The following ARSG variants were observed in gnomAD, a reference collection of about 807,000 sequenced individuals.
ARSG encodes the protein arylsulfatase G, also known as ASG.
In ARSG, 37 loss-of-function variants were observed where a neutral mutation model predicts 50.5. The ratio of observed to expected loss-of-function variants is 0.73; its 90% confidence interval spans 0.56 to 0.96. ARSG has a LOEUF of 0.96. Ranked by LOEUF, ARSG falls within the 50% of genes least tolerant of loss-of-function variation. The pLI is 0.00. For missense variants in ARSG, 629 were observed against 675.3 expected (o/e 0.93, Z 0.76); for synonymous variants, 225 against 254.6 (o/e 0.88, Z 1.11).
chr17:68,321,303 C>T (rs941659519), intron 2 of ARSG, among the ~76,000 whole-genome samples: 7 of 152,152 alleles, frequency 4.6e-5, no homozygotes, highest in Admixed American at 1.3e-4. Flanking sequence ...AAAGGGCCTG[C>T]GTATCCATGA....
chr17:68,336,410 A>T (rs923231659), intron 2 of ARSG, among the ~76,000 whole-genome samples: 1 of 151,598 alleles, frequency 6.6e-6, no homozygotes, highest in Non-Finnish European at 1.5e-5. Context: ...GGGTTTCACT[A>T]TGTTGGCCAG....
chr17:68,410,491 TA>T (rs1192937748), intron 11 of ARSG, among the ~76,000 whole-genome samples: 1 of 151,370 alleles, frequency 6.6e-6, no homozygotes, highest in Admixed American at 6.6e-5. Context: ...TCATGGTGGA[TA>T]AGCTTTTTGA....
intron 5 of ARSG, among the ~76,000 whole-genome samples, chr17:68,355,632 CG>C (rs1448474507): frequency 6.6e-6 from 1 of 152,066 alleles, no homozygotes; most frequent in Non-Finnish European, 1.5e-5. Flanking sequence ...TGGGATTACA[CG>C]CATGAGCCAC....
At chr17:68,333,321 C>CA (rs547143707) in intron 2 of ARSG, among the ~76,000 whole-genome samples, 3 of 144,842 alleles carry the variant, frequency 2.1e-5, no homozygotes, top group African/African-American at 5.1e-5. Context: ...GACTCCGTCT[C>CA]AAAAAAAATA....
chr17:68,406,979 C>A (rs2081753478), intron 11 of ARSG, among the ~76,000 whole-genome samples: 1 of 152,166 alleles, frequency 6.6e-6, no homozygotes, highest in Non-Finnish European at 1.5e-5. Flanking sequence ...CCAATGTTAT[C>A]TTCTAGAATT....
At chr17:68,324,931 T>C (rs992481776) in intron 2 of ARSG, among the ~76,000 whole-genome samples, 1 of 152,140 alleles carries the variant, frequency 6.6e-6, no homozygotes, top group East Asian at 1.9e-4. Flanking sequence ...CTGTGCTTCA[T>C]GTTTCCCAAA....
chr17:68,398,261 G>A (rs1216894169), intron 10 of ARSG, among the ~76,000 whole-genome samples: 1 of 152,060 alleles, frequency 6.6e-6, no homozygotes, highest in African/African-American at 2.4e-5. Context: ...ACATATGTAT[G>A]CCTATGCATG....
At chr17:68,350,350 C>G (rs973301683) in intron 4 of ARSG, among the ~76,000 whole-genome samples, 1 of 152,158 alleles carries the variant, frequency 6.6e-6, no homozygotes, top group Non-Finnish European at 1.5e-5. Context: ...TGAGAAATAG[C>G]AATTCTTTGT....
intron 11 of ARSG, among the ~76,000 whole-genome samples, chr17:68,419,941 G>A (rs574283739): frequency 2.7e-4 from 41 of 152,170 alleles, no homozygotes; most frequent in African/African-American, 9.6e-4. Context: ...CCTGGGCAAC[G>A]AAGCCAGACC....
At chr17:68,369,780 A>T (rs376960884) in intron 7 of ARSG, among the ~76,000 whole-genome samples, 1 of 152,210 alleles carries the variant, frequency 6.6e-6, no homozygotes, top group Admixed American at 6.5e-5. Flanking sequence ...TAGATGCTCA[A>T]TAAACAGTTG....
At chr17:68,435,582 C>T in the ARSG span, 184 of 1,602,002 alleles carry the variant, frequency 1.1e-4, no homozygotes, top group East Asian at 2.5e-4. Context: ...AGCCATCCAG[C>T]GAAACCCAGA....
At chr17:68,279,427 G>C (rs1411169670) in intron 1 of ARSG, among the ~76,000 whole-genome samples, 4 of 152,094 alleles carry the variant, frequency 2.6e-5, no homozygotes, top group African/African-American at 9.7e-5. Context: ...ATCAAAATGA[G>C]GGCATTCTGT....
Position 68,331,216 on chromosome 17 carries a change from T to TCTTC in ARSG, c.219-12385_219-12384insCCTT, listed in dbSNP as rs2077738706. ...TTCTTTCTTTCTTTCTTTCTTTCTT[T>TCTTC]CTTTCTTTCTTTCTTTGTTTCTTTC... On this transcript the variant is annotated intron_variant, in intron 2 of 11. Coordinates refer to ENST00000621439, the MANE Select transcript of ARSG (RefSeq NM_001267727.2). Among the ~76,000 whole-genome samples, 12 of 34,718 alleles carry TCTTC rather than the reference T, an allele frequency of 3.5e-4. No individual in the cohort carries two copies. In the Admixed American group the frequency reaches 3.7e-3, roughly 11 times the overall value. The allele number at this position is 34,718 out of a possible 152,430, so 22.8% of individuals were successfully genotyped here. A position where few individuals can be genotyped will look rare whatever the true frequency, so the allele number is the denominator to read the frequency against.
the ARSG span, among the ~76,000 whole-genome samples, chr17:68,450,235 C>T: frequency 1.3e-5 from 2 of 152,202 alleles, no homozygotes; most frequent in African/African-American, 4.8e-5. Context: ...AATAGCAGAC[C>T]TTCCAGGAGA....
intron 5 of ARSG, among the ~76,000 whole-genome samples, chr17:68,355,404 G>A (rs943108056): frequency 6.6e-6 from 1 of 152,206 alleles, no homozygotes; most frequent in Non-Finnish European, 1.5e-5. Flanking sequence ...TGTCGCCCAG[G>A]CTGTAGTACA....
At chr17:68,393,792 T>C (rs1469020120) in intron 9 of ARSG, among the ~76,000 whole-genome samples, 2 of 147,196 alleles carry the variant, frequency 1.4e-5, no homozygotes, top group African/African-American at 2.6e-5. Context: ...GCTTGAACCC[T>C]GGAGGCAGAG....
chr17:68,291,430 C>T (rs2075984177), upstream of ARSG: 1 of 150,858 alleles, frequency 6.6e-6, no homozygotes, highest in Non-Finnish European at 1.5e-5. Flanking sequence ...GGGGGCGCGC[C>T]GCCGCCGACC....
Position 68,263,821 on chromosome 17 carries a change from T to C in ARSG, c.-552+4395T>C, listed in dbSNP as rs113562345. Among the ~76,000 whole-genome samples, 968 of 152,286 alleles carry C rather than the reference T, an allele frequency of 6.4e-3. 10 individuals are homozygous for C. Among genetic ancestry groups the C allele is most frequent in the African/African-American group, 0.021 (885 of 41,574 alleles). ...ATTGGTGAGCCCCATATTTGCAAAC[T>C]TGTGAAACTAAGGATCATGATTTCT... On this transcript the variant is annotated intron_variant, in intron 1 of 11. Transcript: ENST00000448504.
chr17:68,272,731 G>C, intron 1 of ARSG: 1 of 1,614,144 alleles, frequency 6.2e-7, no homozygotes, highest in Non-Finnish European at 8.5e-7. Context: ...TGATAGGATG[G>C]TTACAGTTGG....
Sources: gnomAD v4.1 joint callset for allele counts (sites outside exome capture counted in the v4.1 genomes callset) on GRCh38, gnomAD v4.1.1 for gene constraint, MANE v1.5 for transcripts, NCBI Gene and HGNC (gene_info 2026-07-23, HGNC 2026-07-21) for gene names.